Variants in SUGCT observed in about 807,000 individuals in gnomAD.
The protein encoded by SUGCT is succinyl-CoA:glutarate-CoA transferase.
In SUGCT, 41 loss-of-function variants were observed where a neutral mutation model predicts 55.0. The observed-to-expected ratio is 0.74, with a 90% CI of 0.58 to 0.97. The LOEUF is 0.97. SUGCT is among the 50% of genes least tolerant of loss of function. The pLI is 0.00. For missense variants in SUGCT, 568 were observed against 547.8 expected (o/e 1.04, Z -0.37); for synonymous variants, 187 against 200.4 (o/e 0.93, Z 0.56).
chr7:40,681,313 C>G (rs918724024), intron 12 of SUGCT, among the ~76,000 whole-genome samples: 1 of 152,104 alleles, frequency 6.6e-6, no homozygotes, highest in Non-Finnish European at 1.5e-5. Context: ...GAAGGTTGAG[C>G]TAATCACCAG....
At chr7:40,359,720 G>A (rs571140283) in intron 9 of SUGCT, among the ~76,000 whole-genome samples, 9 of 152,232 alleles carry the variant, frequency 5.9e-5, no homozygotes, top group African/African-American at 2.2e-4. Context: ...TTCTTCCCCT[G>A]AGAAGTTGTA....
At chr7:40,795,738 T>A (rs1584453674) in intron 13 of SUGCT, among the ~76,000 whole-genome samples, 1 of 152,158 alleles carries the variant, frequency 6.6e-6, no homozygotes, top group Non-Finnish European at 1.5e-5. Context: ...AAACTACTTT[T>A]GGATTTCAAC....
At chr7:40,983,801 CA>C in the SUGCT span, among the ~76,000 whole-genome samples, 4 of 152,136 alleles carry the variant, frequency 2.6e-5, no homozygotes, top group African/African-American at 9.7e-5. Flanking sequence ...AATGGAGAAA[CA>C]AGGATTAGAT....
At chr7:40,844,331 C>T (rs1264444930) in intron 13 of SUGCT, among the ~76,000 whole-genome samples, 2 of 152,106 alleles carry the variant, frequency 1.3e-5, no homozygotes, top group Admixed American at 1.3e-4. Flanking sequence ...AATCAGGTCA[C>T]CCAAATGAAT....
Position 40,683,109 on chromosome 7 carries a change from T to TA in SUGCT, c.1090-66316dup, listed in dbSNP as rs557225526. 2.5e-3 allele frequency among the ~76,000 whole-genome samples: 386 copies of TA among 151,466 alleles called. 2 individuals are homozygous for TA. The highest frequency in any genetic ancestry group is 8.6e-3 in the African/African-American group (354 of 41,322). ...ATTTACTTTAGATGACTTTTCTGCT[T>TA]AAAAAAAAAGTAACCTGACTTTTTT... On this transcript the variant is annotated intron_variant, in intron 12 of 13. Transcript: ENST00000335693.
chr7:40,714,507 A>G (rs1016527140), intron 12 of SUGCT, among the ~76,000 whole-genome samples: 1 of 152,174 alleles, frequency 6.6e-6, no homozygotes, highest in Non-Finnish European at 1.5e-5. Flanking sequence ...TTTTGCCTGA[A>G]GCCATGAAGT....
chr7:40,322,635 T>A (rs2151126385), intron 9 of SUGCT, among the ~76,000 whole-genome samples: 1 of 152,174 alleles, frequency 6.6e-6, no homozygotes, highest in East Asian at 1.9e-4. Flanking sequence ...AAGAGGCCGG[T>A]CTTGAGAATA....
chr7:40,376,384 A>T (rs1784544854), intron 9 of SUGCT, among the ~76,000 whole-genome samples: 1 of 150,788 alleles, frequency 6.6e-6, no homozygotes, highest in Non-Finnish European at 1.5e-5. Context: ...TATCTAATGT[A>T]TCTTTTTTTT....
chr7:40,176,572 A>C (rs925194070), intron 1 of SUGCT, among the ~76,000 whole-genome samples: 5 of 152,006 alleles, frequency 3.3e-5, no homozygotes, highest in Non-Finnish European at 7.4e-5. Context: ...AGAGATAACA[A>C]ATTTCAATTC....
chr7:40,860,475 A>T lies in SUGCT; in HGVS notation c.1313A>T (p.His438Leu), dbSNP rs376482222. ...GGAGTGGTGGACCAACATGAAACTC[A>T]CTGACAAAGGAAAAGGGCTCTTCCT... ...SAGVVDQHET[H>L] is the part of the protein sequence containing the mutation. Residue 438 changes from histidine (H) to leucine (L), a missense_variant, in exon 14 of 14, where the codon CAC (histidine) becomes CTC (leucine). Transcript: ENST00000335693. 9.6e-5 allele frequency: 154 copies of T among 1,609,344 alleles called. No homozygotes were observed. Among genetic ancestry groups the T allele is most frequent in the Non-Finnish European group, 3.6e-5 (42 of 1,176,520 alleles).
the SUGCT span, among the ~76,000 whole-genome samples, chr7:40,903,685 G>C: frequency 6.6e-6 from 1 of 152,146 alleles, no homozygotes; most frequent in Non-Finnish European, 1.5e-5. Context: ...TTCATCACAC[G>C]CAAGGCAAGG....
chr7:40,922,149 G>C, the SUGCT span, among the ~76,000 whole-genome samples: 2 of 152,162 alleles, frequency 1.3e-5, no homozygotes, highest in African/African-American at 4.8e-5. Context: ...GGGTTTAGAG[G>C]GGTGAGGAGT....
chr7:40,554,318 GAGTTTAGTGGCATGT>G (rs1410062855), intron 12 of SUGCT, among the ~76,000 whole-genome samples: 1 of 152,210 alleles, frequency 6.6e-6, no homozygotes, highest in East Asian at 1.9e-4. Flanking sequence ...CAGATCTGGA[GAGTTTAGTGGCATGT>G]AGATTGTCAT....
chr7:40,210,413 A>G (rs1048036471), intron 6 of SUGCT, among the ~76,000 whole-genome samples: 1 of 152,024 alleles, frequency 6.6e-6, no homozygotes, highest in African/African-American at 2.4e-5. Context: ...TTCAAACCCA[A>G]CATATTGATA....
chr7:40,164,149 A>G (rs1784312128), intron 1 of SUGCT, among the ~76,000 whole-genome samples: 2 of 141,230 alleles, frequency 1.4e-5, no homozygotes, highest in East Asian at 2.1e-4. Context: ...TTTGAGACGG[A>G]GTCTCGTTCT....
rs530336001 is a variant in SUGCT, at chr7:40,303,330, G to A, written c.721-13430G>A. ...ATTGCAGGCGTGAGCCACCTCGCCC[G>A]GCCAAGAAAGCTGTTTCTATAAAGT... On this transcript the variant is annotated intron_variant, in intron 8 of 13. Transcript: ENST00000335693. Among the ~76,000 whole-genome samples the A allele has an allele frequency of 5.8e-3, 875 of 152,172 alleles. 6 individuals carry two copies. Among genetic ancestry groups the A allele is most frequent in the African/African-American group, 0.02 (840 of 41,524 alleles).
At chr7:40,479,834 T>C (rs1287417547) in intron 11 of SUGCT, among the ~76,000 whole-genome samples, 1 of 152,160 alleles carries the variant, frequency 6.6e-6, no homozygotes, top group Non-Finnish European at 1.5e-5. Flanking sequence ...GAAATGCCTA[T>C]TTAAGTCCTT....
chr7:40,636,556 C>A (rs1800030672), intron 12 of SUGCT, among the ~76,000 whole-genome samples: 1 of 152,082 alleles, frequency 6.6e-6, no homozygotes, highest in Non-Finnish European at 1.5e-5. Flanking sequence ...GCACTGTAGT[C>A]CTTATAAAGG....
intron 11 of SUGCT, among the ~76,000 whole-genome samples, chr7:40,464,513 C>T (rs1446395978): frequency 2.6e-5 from 4 of 152,090 alleles, no homozygotes; most frequent in African/African-American, 9.7e-5. Flanking sequence ...TGTGAATGTA[C>T]TTTTGTAGCA....
Sources: gnomAD v4.1 joint callset for allele counts (sites outside exome capture counted in the v4.1 genomes callset) on GRCh38, gnomAD v4.1.1 for gene constraint, MANE v1.5 for transcripts, NCBI Gene and HGNC (gene_info 2026-07-23, HGNC 2026-07-21) for gene names.